Variants in DPH6 observed in about 807,000 individuals in gnomAD.
DPH6 encodes the protein diphthamine biosynthesis 6, also known as diphthine--ammonia ligase.
A neutral mutation model predicts 38.2 loss-of-function variants in DPH6; 33 were observed. The ratio of observed to expected loss-of-function variants is 0.86; its 90% CI spans 0.65 to 1.15. The LOEUF is 1.15. Ranked by LOEUF, DPH6 falls within the 50% of genes most tolerant of loss-of-function variation. DPH6 has a pLI of 0.00. For synonymous variants in DPH6, 108 were observed against 103.0 expected (o/e 1.05, Z -0.30); for missense variants, 325 against 320.0 (o/e 1.02, Z -0.12).
In DPH6 at chr15:35,545,427, A is replaced by G. The variant is rs1239294933; in HGVS notation, c.23+692T>C. ...ACGGAGTATAGGGTAAGGTCACTCT[A>G]AAGCAATGATGAGAGTCCGAAGCAA... On this transcript the variant is annotated intron_variant, in intron 1 of 8. Coordinates refer to ENST00000256538, the MANE Select transcript of DPH6 (RefSeq NM_080650.4). Among the ~76,000 whole-genome samples, 5 of 152,346 alleles carry G rather than the reference A, an allele frequency of 3.3e-5. No homozygotes were observed. The East Asian group carries it at 9.6e-4, about 29-fold the overall frequency.
chr15:35,207,598 A>G, the DPH6 span, among the ~76,000 whole-genome samples: 1 of 152,148 alleles, frequency 6.6e-6, no homozygotes, highest in Admixed American at 6.6e-5. Context: ...ACTAAATTAA[A>G]AACACTTTTC....
intron 5 of DPH6, 23 bp downstream of exon 5, chr15:35,450,662 C>T: frequency 4.4e-6 from 7 of 1,582,604 alleles, no homozygotes; most frequent in Non-Finnish European, 6.1e-6. Context: ...ACAAACAGCT[C>T]CCTTGATAGT....
chr15:35,338,508 C>A (rs891468794), intron 3 of DPH6, among the ~76,000 whole-genome samples: 2 of 152,102 alleles, frequency 1.3e-5, no homozygotes, highest in Non-Finnish European at 2.9e-5. Context: ...GTTAGAATGG[C>A]AATCATTAAA....
the DPH6 span, among the ~76,000 whole-genome samples, chr15:35,171,353 T>G: frequency 6.6e-6 from 1 of 152,212 alleles, no homozygotes; most frequent in African/African-American, 2.4e-5. Context: ...ACAATCTGGA[T>G]GTTGATGTCA....
chr15:35,173,381 T>C, the DPH6 span, among the ~76,000 whole-genome samples: 1 of 152,222 alleles, frequency 6.6e-6, no homozygotes, highest in East Asian at 1.9e-4. Flanking sequence ...ACCACTTAAA[T>C]ATGCCTATTT....
intron 3 of DPH6, among the ~76,000 whole-genome samples, chr15:35,530,556 G>C (rs979158290): frequency 1.3e-5 from 2 of 151,902 alleles, no homozygotes; most frequent in Admixed American, 1.3e-4. Flanking sequence ...AAATACAAAG[G>C]GTATACATGT....
chr15:35,260,392 CA>C (rs1183516056), intron 3 of DPH6, among the ~76,000 whole-genome samples: 4 of 152,032 alleles, frequency 2.6e-5, no homozygotes, highest in African/African-American at 9.7e-5. Context: ...AGGCGTGAGC[CA>C]CCGCGCCCAG....
exon 4 of DPH6, chr15:35,330,923 C>A (rs942389074): frequency 6.6e-6 from 1 of 152,244 alleles, no homozygotes; most frequent in African/African-American, 2.4e-5. Flanking sequence ...TTCTTACTCA[C>A]TAAATACTAA....
Position 35,372,212 on chromosome 15 carries a change from AAAAGGGAAGG to A in DPH6, c.751-19_751-10del, listed in dbSNP as rs2052722204. 20 of 1,499,128 alleles carry A rather than the reference AAAAGGGAAGG, an allele frequency of 1.3e-5. No homozygotes were observed. Among genetic ancestry groups the A allele is most frequent in the Non-Finnish European group, 1.8e-5 (20 of 1,130,064 alleles). The allele number at this position is 1,499,128 out of a possible 1,614,324, so 92.9% of individuals were successfully genotyped here. On this transcript the variant is annotated splice_polypyrimidine_tract_variant and intron_variant, in intron 8 of 8. Coordinates refer to ENST00000256538, the MANE Select transcript of DPH6 (RefSeq NM_080650.4). ...TCAGGCACTGAGGACACCTAAAAAA[AAAAGGGAAGG>A]AAAGGGAAGGAAAATGCACCATATT... is the stretch of plus-strand genomic sequence containing the variant.
chr15:35,250,216 TA>T (rs377025751), intron 3 of DPH6, among the ~76,000 whole-genome samples: 3,054 of 150,848 alleles, frequency 0.02, 95 homozygotes, highest in African/African-American at 0.07. Context: ...AACAAAAAAA[TA>T]AAAAAAATAA....
chr15:35,256,975 T>C (rs2051712355), intron 3 of DPH6, among the ~76,000 whole-genome samples: 1 of 152,166 alleles, frequency 6.6e-6, no homozygotes, highest in South Asian at 2.1e-4. Context: ...TTGGTAAACA[T>C]TAGATGCATT....
At chr15:35,442,039 C>T (rs2053795536) in intron 5 of DPH6, among the ~76,000 whole-genome samples, 1 of 151,842 alleles carries the variant, frequency 6.6e-6, no homozygotes, top group Non-Finnish European at 1.5e-5. Flanking sequence ...ATAAATTGGA[C>T]TACGTCAAAA....
At chr15:35,249,273 A>G (rs1373435402) in intron 3 of DPH6, among the ~76,000 whole-genome samples, 1 of 152,178 alleles carries the variant, frequency 6.6e-6, no homozygotes, top group East Asian at 1.9e-4. Context: ...TTTCTCTAAC[A>G]CCTGAAGAAA....
intron 3 of DPH6, among the ~76,000 whole-genome samples, chr15:35,338,096 A>G (rs1051294681): frequency 6.6e-6 from 1 of 152,192 alleles, no homozygotes; most frequent in Non-Finnish European, 1.5e-5. Flanking sequence ...AAACCTAGGC[A>G]TTACCATTCA....
chr15:35,536,641 T>C (rs766615497), intron 3 of DPH6, among the ~76,000 whole-genome samples: 95 of 152,180 alleles, frequency 6.2e-4, no homozygotes, highest in Middle Eastern at 3.4e-3. Flanking sequence ...CATGGAGTTC[T>C]TCCAAAGTGA....
chr15:35,320,717 C>A (rs1222784760), intron 3 of DPH6, among the ~76,000 whole-genome samples: 2 of 152,164 alleles, frequency 1.3e-5, no homozygotes, highest in African/African-American at 4.8e-5. Flanking sequence ...AATTGGCCAT[C>A]CACCTTATCC....
chr15:35,421,262 T>C (rs147837303), intron 5 of DPH6, among the ~76,000 whole-genome samples: 1 of 152,236 alleles, frequency 6.6e-6, no homozygotes, highest in African/African-American at 2.4e-5. Context: ...AAACTAACAT[T>C]GAAGAAGAGG....
At chr15:35,242,549 A>G (rs2051607949) in intron 3 of DPH6, among the ~76,000 whole-genome samples, 1 of 143,514 alleles carries the variant, frequency 7.0e-6, no homozygotes, top group Non-Finnish European at 1.5e-5. Context: ...ATACAGTCTG[A>G]TAACAGACCA....
At chr15:35,170,817 A>AG in the DPH6 span, among the ~76,000 whole-genome samples, 2 of 152,182 alleles carry the variant, frequency 1.3e-5, no homozygotes, top group South Asian at 4.1e-4. Context: ...TTGACTGGAT[A>AG]GGGGGCAAAA....
Sources: gnomAD v4.1 joint callset for allele counts (sites outside exome capture counted in the v4.1 genomes callset) on GRCh38, gnomAD v4.1.1 for gene constraint, MANE v1.5 for transcripts, NCBI Gene and HGNC (gene_info 2026-07-23, HGNC 2026-07-21) for gene names.